FANCC: variants seen among roughly 807,000 people sequenced by gnomAD.
FANCC encodes the protein FA complementation group C.
In FANCC, 55 loss-of-function variants were observed where a neutral mutation model predicts 71.3. The ratio of observed to expected loss-of-function variants is 0.77; its 90% confidence interval spans 0.62 to 0.97. The LOEUF is 0.97. FANCC is among the 50% of genes least tolerant of loss of function. The pLI, the probability that FANCC is intolerant of heterozygous loss-of-function variation, is 0.00. For synonymous variants in FANCC, 275 were observed against 244.9 expected (o/e 1.12, Z -1.15); for missense variants, 678 against 670.9 (o/e 1.01, Z -0.12).
At chr9:95,135,937 C>T (rs1446858486) in intron 7 of FANCC, among the ~76,000 whole-genome samples, 1 of 152,184 alleles carries the variant, frequency 6.6e-6, no homozygotes. Context: ...TGTATGATCT[C>T]AGAGAAGTTA....
intron 4 of FANCC, among the ~76,000 whole-genome samples, chr9:95,219,912 C>T (rs1256553850): frequency 6.6e-6 from 1 of 152,116 alleles, no homozygotes; most frequent in Admixed American, 6.5e-5. Flanking sequence ...AAGAAACTAC[C>T]ATCAGAGTGA....
intron 4 of FANCC, among the ~76,000 whole-genome samples, chr9:95,234,015 A>G (rs1830155292): frequency 6.6e-6 from 1 of 152,160 alleles, no homozygotes; most frequent in African/African-American, 2.4e-5. Flanking sequence ...ACCAGTAAGG[A>G]AGGTCTGCTG....
Position 95,189,499 on chromosome 9 carries a change from GA to G in FANCC, c.346-17353del, listed in dbSNP as rs1826948154. On this transcript the variant is annotated intron_variant, in intron 4 of 14. Transcript: ENST00000289081. Reference sequence around the variant, plus strand: ...TCTGCAGCTTTTACTTTTGCTTACAGAACCTCTTGCTTGCTCGCTCATTAGT... The same window carrying G: ...TCTGCAGCTTTTACTTTTGCTTACAGACCTCTTGCTTGCTCGCTCATTAGT... 1.9e-4 allele frequency among the ~76,000 whole-genome samples: 28 copies of G among 151,090 alleles called. 1 individual carries two copies. The South Asian group carries it at 5.7e-3, about 31-fold the overall frequency.
At chr9:95,129,772 CCTT>C (rs1826601898) in intron 8 of FANCC, among the ~76,000 whole-genome samples, 1 of 152,142 alleles carries the variant, frequency 6.6e-6, no homozygotes, top group South Asian at 2.1e-4. Flanking sequence ...GTCCTTCCCT[CCTT>C]ATCTCCCCCC....
At position 95,317,671 on chromosome 9, in the gene FANCC, T is replaced by C. The variant is rs958479303; in HGVS notation, c.-224A>G. Reference sequence around the variant, plus strand: ...GAATTTTCCCGCGGTCGCCCGGCAGTGGAGCCGCGCGCGCGCACACGTGTC... The same window carrying C: ...GAATTTTCCCGCGGTCGCCCGGCAGCGGAGCCGCGCGCGCGCACACGTGTC... On this transcript the variant is annotated 5_prime_UTR_variant, in exon 1 of 15. Coordinates refer to ENST00000289081, the MANE Select transcript of FANCC (RefSeq NM_000136.3). 3 of 152,178 alleles carry C rather than the reference T, an allele frequency of 2.0e-5. No individual in the cohort carries two copies. Among genetic ancestry groups the C allele is most frequent in the African/African-American group, 7.2e-5 (3 of 41,432 alleles). 9.4% of individuals were successfully genotyped at this position (152,178 alleles called of 1,614,324 possible).
chr9:95,137,770 G>T (rs1827922818), intron 7 of FANCC, among the ~76,000 whole-genome samples: 1 of 152,196 alleles, frequency 6.6e-6, no homozygotes, highest in African/African-American at 2.4e-5. Flanking sequence ...AGGCAGGCAG[G>T]GGAGGAGGAG....
At chr9:95,291,883 G>A (rs1270991345) in intron 1 of FANCC, among the ~76,000 whole-genome samples, 1 of 146,726 alleles carries the variant, frequency 6.8e-6, no homozygotes, top group Non-Finnish European at 1.5e-5. Context: ...AGGAGGTGGA[G>A]GATGCAGTGA....
intron 1 of FANCC, chr9:95,294,266 C>T (rs758212454): frequency 9.2e-5 from 145 of 1,578,146 alleles, no homozygotes; most frequent in Admixed American, 2.7e-4. Flanking sequence ...GAGTTCTTTT[C>T]GGCCTCACAT....
chr9:95,151,641 T>C (rs1830172277), intron 6 of FANCC, among the ~76,000 whole-genome samples: 1 of 152,114 alleles, frequency 6.6e-6, no homozygotes, highest in Non-Finnish European at 1.5e-5. Flanking sequence ...TGAATTGCCT[T>C]CCAAGGCCAG....
intron 1 of FANCC, among the ~76,000 whole-genome samples, chr9:95,255,038 G>GA (rs1554859847): frequency 1.3e-5 from 2 of 152,174 alleles, no homozygotes; most frequent in Non-Finnish European, 2.9e-5. Flanking sequence ...ATCTCTGAAA[G>GA]AAAGGCAGCA....
chr9:95,111,130 G>A (rs951048126), intron 13 of FANCC: 43 of 1,533,482 alleles, frequency 2.8e-5, no homozygotes, highest in African/African-American at 2.3e-4. Flanking sequence ...AGAACAGCCC[G>A]CCTCTGCAGG....
intron 6 of FANCC, among the ~76,000 whole-genome samples, chr9:95,162,105 G>A (rs1830784910): frequency 6.6e-6 from 1 of 152,168 alleles, no homozygotes; most frequent in African/African-American, 2.4e-5. Context: ...GCCTCCCAAT[G>A]TGCTGGGATT....
intron 4 of FANCC, among the ~76,000 whole-genome samples, chr9:95,174,960 A>G (rs1432532246): frequency 6.6e-6 from 1 of 152,206 alleles, no homozygotes; most frequent in African/African-American, 2.4e-5. Context: ...ATTATGTCAA[A>G]TTCCACAAAC....
chr9:95,230,084 A>G (rs1174983081), intron 4 of FANCC, among the ~76,000 whole-genome samples: 2 of 138,758 alleles, frequency 1.4e-5, no homozygotes, highest in Non-Finnish European at 3.1e-5. Flanking sequence ...TGCTTCCTTA[A>G]TTATTTCAGT....
chr9:95,279,303 C>A, intron 1 of FANCC, among the ~76,000 whole-genome samples: 1 of 147,666 alleles, frequency 6.8e-6, no homozygotes, highest in East Asian at 2.0e-4. Flanking sequence ...GGGTGACAGA[C>A]CAATACTCTG....
intron 4 of FANCC, among the ~76,000 whole-genome samples, chr9:95,233,081 T>C (rs1408951687): frequency 6.6e-6 from 1 of 151,888 alleles, no homozygotes; most frequent in Non-Finnish European, 1.5e-5. Flanking sequence ...CCAGAATGAA[T>C]CATGCACAGC....
chr9:95,107,576 TG>T (rs1324930973), intron 13 of FANCC: 1 of 482,420 alleles, frequency 2.1e-6, no homozygotes, highest in Non-Finnish European at 3.8e-6. Context: ...ATTTTTATAT[TG>T]TGGGAAAAAG....
intron 7 of FANCC, among the ~76,000 whole-genome samples, chr9:95,148,004 G>A (rs113238789): frequency 7.2e-5 from 11 of 152,194 alleles, no homozygotes; most frequent in African/African-American, 2.2e-4. Context: ...TGGAATAACC[G>A]TGTTGACATT....
chr9:95,175,333 T>C (rs954243096), intron 4 of FANCC, among the ~76,000 whole-genome samples: 4 of 152,160 alleles, frequency 2.6e-5, no homozygotes, highest in Non-Finnish European at 5.9e-5. Context: ...CAGTAATATG[T>C]ACTACATGAT....
Sources: gnomAD v4.1 joint callset for allele counts (sites outside exome capture counted in the v4.1 genomes callset) on GRCh38, gnomAD v4.1.1 for gene constraint, MANE v1.5 for transcripts, NCBI Gene and HGNC (gene_info 2026-07-23, HGNC 2026-07-21) for gene names.